Variants in LHPP observed in about 807,000 individuals in gnomAD.
LHPP encodes the protein phospholysine phosphohistidine inorganic pyrophosphate phosphatase.
In LHPP, 24 loss-of-function variants were observed where a neutral mutation model predicts 30.3. That is an observed-to-expected ratio of 0.79 (90% CI 0.57 to 1.11). LHPP has a LOEUF of 1.11. LHPP is among the 50% of genes most tolerant of loss of function. The pLI, the probability that LHPP is intolerant of heterozygous loss-of-function variation, is 0.00. For missense variants in LHPP, 356 were observed against 367.2 expected, an observed-to-expected ratio of 0.97 and a Z score of 0.25; for synonymous variants, 150 against 157.1, an observed-to-expected ratio of 0.95 and a Z score of 0.34.
intron 5 of LHPP, among the ~76,000 whole-genome samples, chr10:124,501,314 G>A (rs762035194): frequency 3.3e-4 from 50 of 151,640 alleles, no homozygotes; most frequent in Non-Finnish European, 5.4e-4. Context: ...AAATATTCTG[G>A]AACTGGGCCG....
At chr10:124,521,472 A>T (rs755739957) in intron 6 of LHPP, among the ~76,000 whole-genome samples, 2 of 152,242 alleles carry the variant, frequency 1.3e-5, no homozygotes, top group African/African-American at 2.4e-5. Context: ...CCTCTCCTGC[A>T]AGTGGCCCAA....
intron 5 of LHPP, among the ~76,000 whole-genome samples, chr10:124,500,758 G>A (rs899215191): frequency 4.5e-4 from 69 of 151,774 alleles, no homozygotes; most frequent in Non-Finnish European, 7.1e-4. Context: ...AACAAGTGTT[G>A]GCAAGGATGT....
chr10:124,463,733 C>A (rs1463964127), intron 1 of LHPP, among the ~76,000 whole-genome samples: 3 of 151,760 alleles, frequency 2.0e-5, no homozygotes, highest in African/African-American at 7.3e-5. Context: ...GTCTTGAACT[C>A]CTTGGCTCAG....
chr10:124,609,954 T>C (rs1315959864), intron 6 of LHPP, among the ~76,000 whole-genome samples: 2 of 152,236 alleles, frequency 1.3e-5, no homozygotes, highest in African/African-American at 4.8e-5. Flanking sequence ...TGTGGAGCAG[T>C]GTGCCTTTGG....
chr10:124,535,288 C>T lies in LHPP; in HGVS notation c.716+18017C>T, dbSNP rs544131058. On this transcript the variant is annotated intron_variant, in intron 6 of 6. Transcript: ENST00000368842. ...AGTAACTTGCCTAAGGTCACACAGCCTTTGAACCCTGGGAGTCGAACTCCG... is the reference window on the plus strand; with the variant it reads ...AGTAACTTGCCTAAGGTCACACAGCTTTTGAACCCTGGGAGTCGAACTCCG... Among the ~76,000 whole-genome samples, 3 of 152,358 alleles carry T rather than the reference C, an allele frequency of 2.0e-5. No homozygotes were observed. The South Asian group carries it at 6.2e-4, about 32-fold the overall frequency.
intron 6 of LHPP, among the ~76,000 whole-genome samples, chr10:124,574,264 G>T (rs763816104): frequency 6.6e-6 from 1 of 152,260 alleles, no homozygotes; most frequent in South Asian, 2.1e-4. Flanking sequence ...GCAGCGTGGC[G>T]CTGAGGGGCA....
chr10:124,573,705 C>T (rs902188960), intron 6 of LHPP, among the ~76,000 whole-genome samples: 1 of 152,180 alleles, frequency 6.6e-6, no homozygotes, highest in Non-Finnish European at 1.5e-5. Flanking sequence ...CGTGCCTGAT[C>T]CTTGCTGCCA....
intron 6 of LHPP, among the ~76,000 whole-genome samples, chr10:124,601,420 G>A (rs1393221492): frequency 1.3e-5 from 2 of 152,202 alleles, no homozygotes; most frequent in East Asian, 3.9e-4. Context: ...AATTGGGTGA[G>A]GGCCTGAGAC....
At chr10:124,512,534 G>A (rs990863295) in intron 5 of LHPP, among the ~76,000 whole-genome samples, 4 of 149,586 alleles carry the variant, frequency 2.7e-5, no homozygotes, top group Non-Finnish European at 4.4e-5. Context: ...GGAGAATGGC[G>A]TGAACCTGGG....
At chr10:124,587,738 T>TAAAAAAAAAAAA (rs747954796) in intron 6 of LHPP, among the ~76,000 whole-genome samples, 2 of 53,010 alleles carry the variant, frequency 3.8e-5, no homozygotes, top group African/African-American at 6.7e-5. Context: ...AGACTCCATC[T>TAAAAAAAAAAAA]AAAAAAAAAA....
At chr10:124,539,881 G>GAAGAAA in intron 6 of LHPP, among the ~76,000 whole-genome samples, 1 of 152,272 alleles carries the variant, frequency 6.6e-6, no homozygotes, top group Non-Finnish European at 1.5e-5. Context: ...CAGCCTGGGC[G>GAAGAAA]ACAGAGCGAG....
intron 5 of LHPP, among the ~76,000 whole-genome samples, chr10:124,512,618 A>G (rs1954333411): frequency 6.9e-6 from 1 of 145,660 alleles, no homozygotes; most frequent in Non-Finnish European, 1.5e-5. Context: ...CTCCGTCTCA[A>G]AAAAAAAAAA....
intron 6 of LHPP, among the ~76,000 whole-genome samples, chr10:124,589,752 A>G (rs540190310): frequency 6.6e-6 from 1 of 152,234 alleles, no homozygotes; most frequent in East Asian, 1.9e-4. Context: ...CCTTTCCCGC[A>G]TCTCTGGGGG....
chr10:124,486,694 GTGAC>G (rs1412185577), intron 2 of LHPP, among the ~76,000 whole-genome samples: 1 of 152,258 alleles, frequency 6.6e-6, no homozygotes, highest in Non-Finnish European at 1.5e-5. Context: ...TAGCACCTGT[GTGAC>G]TGACTTTAGC....
At chr10:124,506,273 C>CCCCA (rs1491576684) in intron 5 of LHPP, among the ~76,000 whole-genome samples, 1 of 125,078 alleles carries the variant, frequency 8.0e-6, no homozygotes, top group Non-Finnish European at 1.6e-5. Flanking sequence ...ACCCCCCCCC[C>CCCCA]ACCCCGCGGT....
chr10:124,484,294 A>C lies in LHPP; in HGVS notation c.281A>C (p.Gln94Pro), dbSNP rs6597801. ...APAACQILKE[Q>P]GLRPYLLIHD... The stretch of plus-strand genomic sequence containing the variant: ...GCTGCCTGCCAGATCCTGAAGGAGC[A>C]AGGCCTGCGACCATACCTGCTCATC... The change falls in exon 2 of 7, where the codon CAA becomes CCA. Residue 94 changes from glutamine (Q) to proline (P), a missense_variant. By Grantham distance (76) the Gln-to-Pro change is moderately conservative. Transcript: ENST00000368842. 6.2e-6 allele frequency: 10 copies of C among 1,613,676 alleles called. No individual in the cohort carries two copies. Among genetic ancestry groups the C allele is most frequent in the Non-Finnish European group, 8.5e-6 (10 of 1,179,918 alleles).
intron 6 of LHPP, among the ~76,000 whole-genome samples, chr10:124,595,772 C>T (rs1357482262): frequency 6.6e-6 from 1 of 152,188 alleles, no homozygotes; most frequent in Non-Finnish European, 1.5e-5. Context: ...CCCTTCTAGG[C>T]TATCTGGGAC....
At chr10:124,475,195 G>A (rs1022111890) in intron 1 of LHPP, among the ~76,000 whole-genome samples, 1 of 151,628 alleles carries the variant, frequency 6.6e-6, no homozygotes, top group Admixed American at 6.6e-5. Context: ...GCTAACTTTT[G>A]TATTTTAAAT....
chr10:124,522,396 C>T (rs1954631533), intron 6 of LHPP, among the ~76,000 whole-genome samples: 1 of 152,188 alleles, frequency 6.6e-6, no homozygotes, highest in Non-Finnish European at 1.5e-5. Context: ...AACAGTGTCT[C>T]CTCCGTGGGG....
Sources: gnomAD v4.1 joint callset for allele counts (sites outside exome capture counted in the v4.1 genomes callset) on GRCh38, gnomAD v4.1.1 for gene constraint, MANE v1.5 for transcripts, NCBI Gene and HGNC (gene_info 2026-07-23, HGNC 2026-07-21) for gene names.